RGS7: variants seen among roughly 807,000 people sequenced by gnomAD.
The protein encoded by RGS7 is regulator of G-protein signaling 7.
A neutral mutation model predicts 81.1 loss-of-function variants in RGS7; 27 were observed. The observed-to-expected ratio is 0.33, with a 90% CI of 0.25 to 0.46. The LOEUF (loss-of-function observed/expected upper bound fraction) is 0.46. Ranked by LOEUF, RGS7 falls within the 20% of genes least tolerant of loss-of-function variation. RGS7 has a pLI of 1.00. For missense variants in RGS7, 396 were observed against 607.4 expected (o/e 0.65, Z 3.66); for synonymous variants, 208 against 207.7 (o/e 1.00, Z -0.01).
intron 2 of RGS7, among the ~76,000 whole-genome samples, chr1:241,221,006 A>AGAGAGAAAGGAAGG (rs1553289481): frequency 5.9e-5 from 5 of 84,550 alleles, no homozygotes; most frequent in African/African-American, 2.0e-4. Context: ...AGAGAGAGAG[A>AGAGAGAAAGGAAGG]AAGGAAGGAA....
At chr1:241,049,701 G>C (rs1220888782) in intron 3 of RGS7, among the ~76,000 whole-genome samples, 1 of 152,182 alleles carries the variant, frequency 6.6e-6, no homozygotes, top group African/African-American at 2.4e-5. Flanking sequence ...CCTGTAAGAA[G>C]TTCTTGCAAG....
intron 9 of RGS7, among the ~76,000 whole-genome samples, chr1:240,853,253 A>G (rs958600596): frequency 3.9e-5 from 6 of 152,204 alleles, no homozygotes; most frequent in Non-Finnish European, 8.8e-5. Flanking sequence ...GTAAATAAAG[A>G]ATAGTTTTAT....
At chr1:241,209,469 G>T (rs1197315969) in intron 2 of RGS7, among the ~76,000 whole-genome samples, 2 of 152,142 alleles carry the variant, frequency 1.3e-5, no homozygotes, top group Non-Finnish European at 2.9e-5. Flanking sequence ...AATAGTAATT[G>T]TAATAATGAT....
chr1:241,008,072 T>A (rs975177245), intron 3 of RGS7, among the ~76,000 whole-genome samples: 15 of 152,142 alleles, frequency 9.9e-5, no homozygotes, highest in Non-Finnish European at 1.8e-4. Context: ...TATACAGATA[T>A]GGGACCTGTA....
intron 9 of RGS7, among the ~76,000 whole-genome samples, chr1:240,849,642 G>T (rs542339504): frequency 2.6e-5 from 4 of 152,014 alleles, no homozygotes; most frequent in Non-Finnish European, 4.4e-5. Context: ...GTAAGTTCCC[G>T]AGAGATCTGG....
rs143305882 is a variant in RGS7, at chr1:240,860,080, T to A, written c.609+8507A>T. 3.2e-3 allele frequency among the ~76,000 whole-genome samples: 493 copies of A among 152,332 alleles called. 6 individuals carry two copies. The highest frequency in any genetic ancestry group is 0.011 in the African/African-American group (472 of 41,572). ...GAGAACATACTTTGTGTGATTTCTA[T>A]TCTAAATTTGTTAAGGTGTGTTTTT... On this transcript the variant is annotated intron_variant, in intron 9 of 18. Transcript: ENST00000440928.
chr1:240,794,571 G>A (rs1369310319), intron 18 of RGS7, among the ~76,000 whole-genome samples: 4 of 152,182 alleles, frequency 2.6e-5, no homozygotes, highest in African/African-American at 9.7e-5. Flanking sequence ...TTACACTAAT[G>A]TGCATGTAGG....
At chr1:240,791,664 G>A (rs372645145) in intron 18 of RGS7, among the ~76,000 whole-genome samples, 40 of 152,266 alleles carry the variant, frequency 2.6e-4, no homozygotes, top group African/African-American at 9.6e-4. Context: ...AAGAGAAAAG[G>A]ATTTTGAAAG....
chr1:241,094,666 T>A (rs1306540478), intron 3 of RGS7, among the ~76,000 whole-genome samples: 1 of 152,120 alleles, frequency 6.6e-6, no homozygotes, highest in African/African-American at 2.4e-5. Flanking sequence ...CTGGACAAAA[T>A]GCATTTAGCA....
intron 14 of RGS7, among the ~76,000 whole-genome samples, chr1:240,809,923 T>C (rs1164417953): frequency 2.0e-5 from 3 of 152,198 alleles, no homozygotes; most frequent in Admixed American, 6.5e-5. Flanking sequence ...TTAGATATAA[T>C]CACTTAGCCT....
intron 4 of RGS7, among the ~76,000 whole-genome samples, chr1:240,962,187 G>T (rs1007175080): frequency 2.6e-5 from 4 of 152,060 alleles, no homozygotes; most frequent in African/African-American, 9.7e-5. Context: ...CTTCCTAGTA[G>T]AAAAGTTCTA....
At chr1:240,904,176 G>T (rs1670455981) in intron 6 of RGS7, among the ~76,000 whole-genome samples, 1 of 152,092 alleles carries the variant, frequency 6.6e-6, no homozygotes, top group Admixed American at 6.6e-5. Context: ...GTTTTTGGGA[G>T]GAGAGAGTCA....
intron 2 of RGS7, among the ~76,000 whole-genome samples, chr1:241,211,127 A>G (rs1003083378): frequency 6.6e-6 from 1 of 152,126 alleles, no homozygotes; most frequent in African/African-American, 2.4e-5. Flanking sequence ...TCTACTAAAA[A>G]TACAAAAATT....
At chr1:240,783,173 C>T (rs1335438351) in intron 18 of RGS7, among the ~76,000 whole-genome samples, 2 of 152,156 alleles carry the variant, frequency 1.3e-5, no homozygotes, top group Non-Finnish European at 2.9e-5. Context: ...AAAACTTCCC[C>T]TCAACCAAAC....
At chr1:241,045,439 C>G (rs947538438) in intron 3 of RGS7, among the ~76,000 whole-genome samples, 1 of 152,196 alleles carries the variant, frequency 6.6e-6, no homozygotes, top group African/African-American at 2.4e-5. Context: ...TCTTGGCTCA[C>G]TGCAACCTCC....
rs115270554 is a variant in RGS7 at position 240,860,173 on chromosome 1, C to T, written c.609+8414G>A. 7.6e-3 allele frequency among the ~76,000 whole-genome samples: 1,153 copies of T among 152,240 alleles called. 5 individuals carry two copies. Among genetic ancestry groups the T allele is most frequent in the Middle Eastern group, 0.034 (10 of 294 alleles). On this transcript the variant is annotated intron_variant, in intron 9 of 18. Coordinates refer to ENST00000440928, the MANE Select transcript of RGS7 (RefSeq NM_001364886.1). ...CTTGAGAAGAACGTGTATTCTGCTG[C>T]TGTTGTATTAAGTATTCTATAGATG...
intron 3 of RGS7, among the ~76,000 whole-genome samples, chr1:241,001,770 CA>C (rs1235626008): frequency 6.6e-6 from 1 of 152,104 alleles, no homozygotes; most frequent in Non-Finnish European, 1.5e-5. Context: ...CACTGGTTGT[CA>C]GGGGTGGAAG....
chr1:241,109,753 T>C (rs538702063), intron 2 of RGS7, among the ~76,000 whole-genome samples: 1 of 152,144 alleles, frequency 6.6e-6, no homozygotes, highest in South Asian at 2.1e-4. Context: ...AGTTCAGGAA[T>C]TTGAGACCAG....
intron 4 of RGS7, among the ~76,000 whole-genome samples, chr1:240,975,769 T>C (rs541025747): frequency 6.6e-6 from 1 of 152,372 alleles, no homozygotes; most frequent in South Asian, 2.1e-4. Context: ...AATAAATCTG[T>C]TCTGGAAGAT....
Sources: gnomAD v4.1 joint callset for allele counts (sites outside exome capture counted in the v4.1 genomes callset) on GRCh38, gnomAD v4.1.1 for gene constraint, MANE v1.5 for transcripts, NCBI Gene and HGNC (gene_info 2026-07-23, HGNC 2026-07-21) for gene names.